The following HLCS variants were observed in gnomAD, a reference collection of about 807,000 sequenced individuals.
The protein encoded by HLCS is biotin--protein ligase.
HLCS carries 53 observed loss-of-function variants against 75.0 expected under a neutral mutation model. That is an observed-to-expected ratio of 0.71 (90% CI 0.57 to 0.89). The LOEUF is 0.89. Ranked by LOEUF, HLCS falls within the 40% of genes least tolerant of loss-of-function variation. HLCS has a pLI of 0.00. For synonymous variants in HLCS, 431 were observed against 428.6 expected (o/e 1.01, Z -0.07); for missense variants, 966 against 1,074.0 (o/e 0.90, Z 1.41).
At chr21:36,775,319 A>G (rs531462627) in intron 6 of HLCS, among the ~76,000 whole-genome samples, 4 of 152,368 alleles carry the variant, frequency 2.6e-5, no homozygotes, top group African/African-American at 9.6e-5. Context: ...TTGGTAAGTC[A>G]AGCATTTACT....
intron 6 of HLCS, among the ~76,000 whole-genome samples, chr21:36,770,995 G>A (rs1489439560): frequency 6.6e-6 from 1 of 151,948 alleles, no homozygotes; most frequent in African/African-American, 2.4e-5. Context: ...CGAGGCAGGC[G>A]GATCACGAGG....
At chr21:36,783,992 G>A (rs896242646) in intron 6 of HLCS, among the ~76,000 whole-genome samples, 2 of 152,156 alleles carry the variant, frequency 1.3e-5, no homozygotes, top group African/African-American at 4.8e-5. Context: ...CCATGGGGAA[G>A]GGGTATCTTC....
intron 6 of HLCS, among the ~76,000 whole-genome samples, chr21:36,880,561 G>A (rs1476715100): frequency 6.6e-6 from 1 of 152,058 alleles, no homozygotes. Context: ...GCCATAGGTT[G>A]TTTCCGGAAG....
At chr21:36,822,564 A>G (rs920517594) in intron 6 of HLCS, among the ~76,000 whole-genome samples, 8 of 152,190 alleles carry the variant, frequency 5.3e-5, no homozygotes, top group African/African-American at 1.9e-4. Context: ...CATTATTTTT[A>G]ATGATAGTAA....
At chr21:36,849,419 A>C (rs923424950) in intron 6 of HLCS, among the ~76,000 whole-genome samples, 2 of 152,270 alleles carry the variant, frequency 1.3e-5, no homozygotes, top group African/African-American at 4.8e-5. Flanking sequence ...ATTAGGATCC[A>C]GCAGAAAAGA....
chr21:36,768,538 A>C (rs147719492), intron 6 of HLCS, among the ~76,000 whole-genome samples: 2 of 152,368 alleles, frequency 1.3e-5, no homozygotes, highest in East Asian at 3.9e-4. Flanking sequence ...TGCAGGCCTC[A>C]GTTGGGACAG....
intron 6 of HLCS, among the ~76,000 whole-genome samples, chr21:36,818,440 C>T (rs957066012): frequency 6.6e-6 from 1 of 152,146 alleles, no homozygotes; most frequent in African/African-American, 2.4e-5. Flanking sequence ...TTAAAGAACC[C>T]GCTTTTGTCC....
chr21:36,903,622 T>C (rs2065328466), intron 5 of HLCS, among the ~76,000 whole-genome samples: 1 of 152,158 alleles, frequency 6.6e-6, no homozygotes, highest in Non-Finnish European at 1.5e-5. Flanking sequence ...CAGCACTAAG[T>C]AGAACTTTCA....
intron 5 of HLCS, among the ~76,000 whole-genome samples, chr21:36,900,468 G>T (rs2065191131): frequency 6.6e-6 from 1 of 152,190 alleles, no homozygotes. Context: ...AAAGGCAGAG[G>T]GGGTGGTGAG....
intron 6 of HLCS, among the ~76,000 whole-genome samples, chr21:36,849,680 C>T (rs1284585565): frequency 6.6e-6 from 1 of 152,246 alleles, no homozygotes; most frequent in East Asian, 1.9e-4. Flanking sequence ...GCATCCGGCT[C>T]TGCCTGTCTT....
At chr21:36,942,929 T>TA (rs937295288) in intron 2 of HLCS, among the ~76,000 whole-genome samples, 2,094 of 143,330 alleles carry the variant, frequency 0.015, 52 homozygotes, top group Admixed American at 0.045. Context: ...GACTCCATCT[T>TA]AAAAAAAAAA....
At chr21:36,912,696 A>G (rs1212728564) in intron 5 of HLCS, among the ~76,000 whole-genome samples, 3 of 152,040 alleles carry the variant, frequency 2.0e-5, no homozygotes, top group South Asian at 2.1e-4. Flanking sequence ...GGAGAGAGAG[A>G]AGGAGTCAGG....
At chr21:36,907,844 C>T (rs1235361745) in intron 5 of HLCS, among the ~76,000 whole-genome samples, 2 of 152,106 alleles carry the variant, frequency 1.3e-5, no homozygotes, top group African/African-American at 4.8e-5. Flanking sequence ...GCTGAATAGA[C>T]ACTGCCCAAA....
chr21:36,824,698 C>T (rs948892966), intron 6 of HLCS, among the ~76,000 whole-genome samples: 2 of 152,220 alleles, frequency 1.3e-5, no homozygotes, highest in African/African-American at 4.8e-5. Flanking sequence ...ACTTCCTCCA[C>T]AGAGGGATTT....
chr21:36,768,546 C>G (rs2090122802), intron 6 of HLCS, among the ~76,000 whole-genome samples: 1 of 152,226 alleles, frequency 6.6e-6, no homozygotes, highest in Admixed American at 6.5e-5. Context: ...TCAGTTGGGA[C>G]AGAAGGAGCC....
At position 36,936,474 on chromosome 21, in the gene HLCS, C is replaced by A. The variant is rs61732501; in HGVS notation, c.1412G>T (p.Arg471Leu). ...RMIVHVPFGTRGGEAVLCQVH... is the reference protein window; with the variant it reads ...RMIVHVPFGTLGGEAVLCQVH... ...CTGGCAAAGAACAGCTTCTCCCCCG[C>A]GAGTTCCAAAAGGCACATGCACAAT... Residue 471 changes from arginine (R) to leucine (L), a missense_variant, in exon 4 of 11, where the codon CGC becomes CTC. Arg to Leu is a moderately radical substitution (Grantham distance 102, BLOSUM62 -2). Transcript: ENST00000674895. The A allele has an allele frequency of 6.2e-7, 1 of 1,614,194 alleles. No individual in the cohort carries two copies.
intron 5 of HLCS, among the ~76,000 whole-genome samples, chr21:36,898,988 G>A (rs1320244959): frequency 1.3e-5 from 2 of 152,086 alleles, no homozygotes; most frequent in Non-Finnish European, 2.9e-5. Context: ...TTGAGCCCAA[G>A]AAGCAGAGGC....
At position 36,751,797 on chromosome 21, in the gene HLCS, G is replaced by A. The variant is rs2089377710; in HGVS notation, c.*2449C>T. The A allele has an allele frequency of 6.6e-6, 1 of 152,194 alleles. No homozygotes were observed. The highest frequency in any genetic ancestry group is 1.5e-5 in the Non-Finnish European group (1 of 68,048). 9.4% of individuals were successfully genotyped at this position (152,194 alleles called of 1,614,324 possible). On this transcript the variant is annotated 3_prime_UTR_variant, in exon 11 of 11. Coordinates refer to ENST00000674895, the MANE Select transcript of HLCS (RefSeq NM_001352514.2). ...CTTGAAACCCGTTACCAGCCTGGAAGGGAGGATATCTTGCCTTTTACAAAA... is the reference window on the plus strand; with the variant it reads ...CTTGAAACCCGTTACCAGCCTGGAAAGGAGGATATCTTGCCTTTTACAAAA...
chr21:36,957,931 A>G (rs886764699), intron 2 of HLCS, among the ~76,000 whole-genome samples: 6 of 145,898 alleles, frequency 4.1e-5, no homozygotes, highest in African/African-American at 1.5e-4. Context: ...TGCGTCTCGA[A>G]AAAAAAAAAA....
Sources: gnomAD v4.1 joint callset for allele counts (sites outside exome capture counted in the v4.1 genomes callset) on GRCh38, gnomAD v4.1.1 for gene constraint, MANE v1.5 for transcripts, NCBI Gene and HGNC (gene_info 2026-07-23, HGNC 2026-07-21) for gene names.